The following ANKRD26 variants were observed in gnomAD, a reference collection of about 807,000 sequenced individuals.
The protein encoded by ANKRD26 is ankyrin repeat domain 26.
Under a neutral mutation model 208.7 loss-of-function variants are expected in ANKRD26, and 141 were observed. That is an observed-to-expected ratio of 0.68 (90% confidence interval 0.59 to 0.78). The LOEUF is 0.78. Ranked by LOEUF, ANKRD26 falls within the 30% of genes least tolerant of loss-of-function variation. ANKRD26 has a pLI of 0.00. For synonymous variants in ANKRD26, 636 were observed against 660.4 expected, an observed-to-expected ratio of 0.96 and a Z score of 0.57; for missense variants, 1,889 against 1,938.7, an observed-to-expected ratio of 0.97 and a Z score of 0.48.
At chr10:27,092,345 G>T (rs759213386) in intron 4 of ANKRD26, 61 bp downstream of exon 4, 6 of 1,280,218 alleles carry the variant, frequency 4.7e-6, no homozygotes, top group South Asian at 1.2e-5. Context: ...GCAAAACACA[G>T]ATCTAAAAAA....
rs1215555754 is a variant in ANKRD26, at chr10:26,995,404, G to C, written c.563-257C>G. ...AGCCCTTGAGCTACAGGGTCTAACTGTTGCCATAATAGCCTACAGTTCTCT... is the reference window on the plus strand; with the variant it reads ...AGCCCTTGAGCTACAGGGTCTAACTCTTGCCATAATAGCCTACAGTTCTCT... On this transcript the variant is annotated intron_variant, in intron 4 of 5. Coordinates refer to the ANKRD26 transcript ENST00000445828. Among the ~76,000 whole-genome samples, 6 of 152,224 alleles carry C rather than the reference G, an allele frequency of 3.9e-5. No individual in the cohort carries two copies. In the South Asian group the frequency reaches 8.3e-4, roughly 21 times the overall value.
intron 20 of ANKRD26, among the ~76,000 whole-genome samples, chr10:27,043,035 CAA>C (rs1030689240): frequency 3.4e-5 from 5 of 148,798 alleles, no homozygotes; most frequent in Admixed American, 2.0e-4. Context: ...CTGTGTTATG[CAA>C]AGACTTCTTA....
intron 29 of ANKRD26, among the ~76,000 whole-genome samples, chr10:27,018,595 C>A (rs1166665715): frequency 6.6e-6 from 1 of 152,024 alleles, no homozygotes; most frequent in Non-Finnish European, 1.5e-5. Context: ...TTCTGAGCTG[C>A]AAATGTTTTA....
intron 32 of ANKRD26, among the ~76,000 whole-genome samples, chr10:27,011,781 A>G (rs1415655277): frequency 6.6e-6 from 1 of 152,242 alleles, no homozygotes; most frequent in Non-Finnish European, 1.5e-5. Flanking sequence ...CTGGGTAGGA[A>G]GAAAATAATT....
chr10:27,058,386 C>T (rs760135003), intron 15 of ANKRD26, among the ~76,000 whole-genome samples: 3 of 152,110 alleles, frequency 2.0e-5, no homozygotes, highest in South Asian at 2.1e-4. Context: ...TAGGATGTAT[C>T]GTAACATCAT....
intron 6 of ANKRD26, among the ~76,000 whole-genome samples, 158 bp downstream of exon 6, chr10:27,082,645 C>A (rs2055964802): frequency 6.6e-6 from 1 of 152,170 alleles, no homozygotes; most frequent in African/African-American, 2.4e-5. Context: ...CTCTGAACCA[C>A]ACAGTTGGGT....
intron 10 of ANKRD26, 97 bp from the exon 11 acceptor site, chr10:27,066,645 T>C (rs2055259792): frequency 4.1e-6 from 3 of 736,396 alleles, no homozygotes; most frequent in South Asian, 4.8e-5. Flanking sequence ...TCTCCATTCA[T>C]GAATATTTCA....
chr10:26,982,144 T>A (rs74128508), intron 4 of ANKRD26, among the ~76,000 whole-genome samples: 351 of 152,310 alleles, frequency 2.3e-3, no homozygotes, highest in African/African-American at 8.0e-3. Context: ...GACTTTGATT[T>A]CTGTCCTCTG....
At chr10:27,020,994 T>C (rs1002741275) in intron 29 of ANKRD26, among the ~76,000 whole-genome samples, 8 of 151,832 alleles carry the variant, frequency 5.3e-5, no homozygotes, top group African/African-American at 2.4e-5. Flanking sequence ...AAAAATTCCA[T>C]TTTTATTTTA....
chr10:26,999,031 A>G (rs998533194), intron 4 of ANKRD26, among the ~76,000 whole-genome samples: 9 of 152,212 alleles, frequency 5.9e-5, no homozygotes, highest in African/African-American at 2.2e-4. Flanking sequence ...GAGGGTTCTC[A>G]GCATCTCTAA....
Position 27,051,612 on chromosome 10 carries a change from T to C in ANKRD26, c.1635+1708A>G, listed in dbSNP as rs145807654. 1.3e-4 allele frequency: 126 copies of C among 985,234 alleles called. No individual in the cohort carries two copies. In the African/African-American group the frequency reaches 1.7e-3, roughly 14 times the overall value. 61.0% of individuals were successfully genotyped at this position (985,234 alleles called of 1,614,324 possible). On this transcript the variant is annotated intron_variant, in intron 16 of 33. Transcript: ENST00000376087. ...GTTAACATTTTCATGGCCTAATTTA[T>C]TTTCATTTAAATAAGGCTTAGAAGA...
intron 15 of ANKRD26, 137 bp from the exon 16 acceptor site, chr10:27,053,527 A>G (rs1294009809): frequency 3.3e-6 from 2 of 605,620 alleles, no homozygotes; most frequent in African/African-American, 1.9e-5. Flanking sequence ...TTTATGAGAC[A>G]GGGCCTTACT....
At chr10:26,971,892 C>T (rs2052148068), downstream of ANKRD26, among the ~76,000 whole-genome samples, 2 of 152,058 alleles carry the variant, frequency 1.3e-5, no homozygotes. Flanking sequence ...CAGTTTCTGC[C>T]TTCCATAAGC....
the ANKRD26 span, among the ~76,000 whole-genome samples, chr10:26,968,642 G>T: frequency 1.3e-5 from 2 of 152,166 alleles, no homozygotes; most frequent in African/African-American, 4.8e-5. Context: ...TGGAAAATAT[G>T]AAGAAAGAAA....
the ANKRD26 span, among the ~76,000 whole-genome samples, chr10:26,958,963 G>A: frequency 6.6e-6 from 1 of 152,084 alleles, no homozygotes; most frequent in South Asian, 2.1e-4. Flanking sequence ...AGCATCTGTT[G>A]TTTTTTGAGT....
intron 29 of ANKRD26, among the ~76,000 whole-genome samples, chr10:27,020,066 C>G (rs566482834): frequency 1.3e-5 from 2 of 152,112 alleles, no homozygotes; most frequent in Admixed American, 6.6e-5. Context: ...AATCTAATGC[C>G]GAAGTCACAT....
chr10:27,093,495 C>A lies in ANKRD26; in HGVS notation c.385G>T (p.Ala129Ser), dbSNP rs575301875. Residue 129 changes from alanine to serine, a missense_variant, in exon 3 of 34, where the codon GCA (alanine) becomes TCA (serine). Ala to Ser is a moderately conservative substitution (Grantham distance 99). Around this residue, in one of 3 missense-constraint regions of ANKRD26, gnomAD observed 1,272 missense variants for 1,273.8 expected, o/e 1.00. Transcript: ENST00000376087. ...KAVQCQEEKCATILLEHGADP... is the reference protein window; with the variant it reads ...KAVQCQEEKCSTILLEHGADP... Reference sequence around the variant, plus strand: ...GCACCATGTTCTAGCAGAATAGTTGCACATTTCTCTTCCTGGCATTGTACA... The same window carrying A: ...GCACCATGTTCTAGCAGAATAGTTGAACATTTCTCTTCCTGGCATTGTACA... 9.9e-6 allele frequency: 16 copies of A among 1,614,180 alleles called. No individual in the cohort carries two copies. In the African/African-American group the frequency reaches 1.5e-4, roughly 15 times the overall value.
chr10:26,992,463 C>T (rs2134674063), intron 5 of ANKRD26, among the ~76,000 whole-genome samples: 1 of 124,258 alleles, frequency 8.0e-6, no homozygotes, highest in East Asian at 2.2e-4. Flanking sequence ...ATAAAATACA[C>T]ACACGTACAC....
At chr10:27,070,829 C>G (rs1430819126) in intron 9 of ANKRD26, among the ~76,000 whole-genome samples, 1 of 152,214 alleles carries the variant, frequency 6.6e-6, no homozygotes, top group East Asian at 1.9e-4. Context: ...CCACGCCCGG[C>G]TAATTTTTTG....
Sources: allele counts gnomAD v4.1 joint callset (sites outside exome capture counted in the v4.1 genomes callset), GRCh38; gene constraint gnomAD v4.1.1; regional missense constraint gnomAD v4.1.1; transcripts MANE v1.5; gene names NCBI Gene and HGNC (gene_info 2026-07-23, HGNC 2026-07-21).